Variants in CASZ1 observed in about 807,000 individuals in gnomAD.
The protein encoded by CASZ1 is castor zinc finger 1.
A neutral mutation model predicts 135.2 loss-of-function variants in CASZ1; 28 were observed. The observed-to-expected ratio is 0.21, with a 90% CI of 0.15 to 0.28. The LOEUF (loss-of-function observed/expected upper bound fraction) is 0.28, where lower values mean the gene tolerates loss of function less well. CASZ1 is among the 10% of genes least tolerant of loss of function. The pLI, the probability that CASZ1 is intolerant of heterozygous loss-of-function variation, is 1.00. For synonymous variants in CASZ1, 1,068 were observed against 1,073.4 expected, an observed-to-expected ratio of 0.99 and a Z score of 0.10; for missense variants, 2,161 against 2,453.3, an observed-to-expected ratio of 0.88 and a Z score of 2.52.
intron 2 of CASZ1, among the ~76,000 whole-genome samples, chr1:10,712,358 T>TAAATA (rs1382394280): frequency 2.0e-5 from 3 of 151,992 alleles, no homozygotes; most frequent in East Asian, 1.9e-4. Context: ...AATAAATACA[T>TAAATA]AAATAAAATA....
chr1:10,752,020 C>A (rs1177104287), intron 2 of CASZ1, among the ~76,000 whole-genome samples: 1 of 152,196 alleles, frequency 6.6e-6, no homozygotes, highest in Non-Finnish European at 1.5e-5. Flanking sequence ...CCACTCCAGA[C>A]TGGCCCTCCC....
At chr1:10,652,019 A>T (rs1282367520) in intron 11 of CASZ1, 3 of 152,218 alleles carry the variant, frequency 2.0e-5, no homozygotes, top group Non-Finnish European at 4.4e-5. Flanking sequence ...CTGGACCAGG[A>T]GGCGGTCCCT....
At chr1:10,678,495 G>A (rs900927963) in intron 4 of CASZ1, among the ~76,000 whole-genome samples, 15 of 126,366 alleles carry the variant, frequency 1.2e-4, no homozygotes, top group South Asian at 2.5e-4. Context: ...CACCGCCCCC[G>A]CGAGGGGGCC....
At chr1:10,690,374 C>A (rs1028148337) in intron 4 of CASZ1, among the ~76,000 whole-genome samples, 2 of 152,206 alleles carry the variant, frequency 1.3e-5, no homozygotes, top group African/African-American at 4.8e-5. Flanking sequence ...TTTGCTCTCT[C>A]AGCTTAGACA....
intron 2 of CASZ1, among the ~76,000 whole-genome samples, chr1:10,750,009 G>A (rs1640120207): frequency 6.6e-6 from 1 of 152,148 alleles, no homozygotes; most frequent in South Asian, 2.1e-4. Flanking sequence ...GTATATAACT[G>A]TGCCCTCTGG....
At position 10,707,322 on chromosome 1, in the gene CASZ1, G is replaced by A. The variant is rs4845952; in HGVS notation, c.-76-1778C>T. On this transcript the variant is annotated intron_variant, in intron 2 of 20. Transcript: ENST00000377022. The surrounding 1 kb of genome is among the most constrained non-coding windows in gnomAD (Gnocchi z 5.0). ...TAATTTTGTGTTAAACAGACTGACCGGAATGATAACGACTTGCAGCGCGGT... is the reference window on the plus strand; with the variant it reads ...TAATTTTGTGTTAAACAGACTGACCAGAATGATAACGACTTGCAGCGCGGT... Among the ~76,000 whole-genome samples the A allele has an allele frequency of 0.17, 25,911 of 152,122 alleles. 2,544 individuals are homozygous for A. Among genetic ancestry groups the A allele is most frequent in the East Asian group, 0.35 (1,799 of 5,160 alleles).
chr1:10,667,898 G>A (rs1643283885), intron 4 of CASZ1, among the ~76,000 whole-genome samples: 1 of 144,192 alleles, frequency 6.9e-6, no homozygotes. Flanking sequence ...CTCAGTCCCT[G>A]CCCGGGCCCC....
chr1:10,669,457 AT>A (rs976248895), intron 4 of CASZ1, among the ~76,000 whole-genome samples: 7 of 152,224 alleles, frequency 4.6e-5, no homozygotes, highest in Admixed American at 2.6e-4. Context: ...AAATATTCAA[AT>A]CAGCCGGCTT....
rs518789 is a variant in CASZ1 at position 10,727,481 on chromosome 1, C to T, written c.-76-21937G>A. On this transcript the variant is annotated intron_variant, in intron 2 of 20. Transcript: ENST00000377022. The surrounding 1 kb of genome is among the most constrained non-coding windows in gnomAD (Gnocchi z 5.3). Reference sequence around the variant, plus strand: ...CGGGCCCAGGGGATTCAGCACAGCCCAACAGTGCCCCAGTGCCCACCCTCT... The same window carrying T: ...CGGGCCCAGGGGATTCAGCACAGCCTAACAGTGCCCCAGTGCCCACCCTCT... Among the ~76,000 whole-genome samples, 63,895 of 151,818 alleles carry T rather than the reference C, an allele frequency of 0.42. 15,063 individuals carry two copies. The highest frequency in any genetic ancestry group is 0.54 in the Non-Finnish European group (36,942 of 67,880).
At chr1:10,758,819 G>A (rs1010610821) in intron 2 of CASZ1, among the ~76,000 whole-genome samples, 2 of 152,248 alleles carry the variant, frequency 1.3e-5, no homozygotes, top group African/African-American at 2.4e-5. Context: ...GAGGACCCCC[G>A]CCTGCAGTCC....
chr1:10,765,058 G>A (rs1640448596), intron 1 of CASZ1, among the ~76,000 whole-genome samples: 1 of 152,152 alleles, frequency 6.6e-6, no homozygotes, highest in Admixed American at 6.5e-5. Context: ...TTGGGGGCGT[G>A]GGGCAGGGAT....
intron 3 of CASZ1, among the ~76,000 whole-genome samples, chr1:10,702,014 C>T (rs1639072197): frequency 6.6e-6 from 1 of 152,210 alleles, no homozygotes; most frequent in African/African-American, 2.4e-5. Context: ...TTGCGGACAG[C>T]AGGTGGATCC....
At chr1:10,785,971 G>T (rs1640851890) in intron 1 of CASZ1, among the ~76,000 whole-genome samples, 1 of 152,240 alleles carries the variant, frequency 6.6e-6, no homozygotes, top group South Asian at 2.1e-4. Context: ...TTCGAGGAAT[G>T]AATCGTCCAA....
chr1:10,719,061 C>T lies in CASZ1; in HGVS notation c.-76-13517G>A, dbSNP rs564496171. On this transcript the variant is annotated intron_variant, in intron 2 of 20. Coordinates refer to ENST00000377022, the MANE Select transcript of CASZ1 (RefSeq NM_001079843.3). The surrounding 1 kb of genome is among the most constrained non-coding windows in gnomAD (Gnocchi z 4.0). ...CCGAGTAACTGGGATTACAGGCACT[C>T]GCCACCACACCTGGCTAATTTTTTT... is the stretch of plus-strand genomic sequence containing the variant. 5.9e-5 allele frequency among the ~76,000 whole-genome samples: 9 copies of T among 152,122 alleles called. No individual in the cohort carries two copies. The South Asian group carries it at 6.2e-4, about 11-fold the overall frequency.
In CASZ1 at chr1:10,783,328, CA is replaced by C. The variant is rs1460364054; in HGVS notation, c.-234+13235del. Among the ~76,000 whole-genome samples the C allele has an allele frequency of 3.3e-5, 5 of 150,024 alleles. No homozygotes were observed. The East Asian group carries it at 9.7e-4, about 29-fold the overall frequency. On this transcript the variant is annotated intron_variant, in intron 1 of 20. Coordinates refer to ENST00000377022, the MANE Select transcript of CASZ1 (RefSeq NM_001079843.3). ...GCAAGCGTATATGTTTTGGGAGAGA[CA>C]GGGGCTCTACCTCCCAAGAAGAAGG...
intron 2 of CASZ1, among the ~76,000 whole-genome samples, chr1:10,754,826 C>A (rs140170299): frequency 6.6e-6 from 1 of 152,324 alleles, no homozygotes; most frequent in South Asian, 2.1e-4. Flanking sequence ...TGAGTCACAA[C>A]GGCCCTAAAC....
chr1:10,649,597 C>A, intron 13 of CASZ1, 160 bp from the exon 14 acceptor site: 1 of 817,398 alleles, frequency 1.2e-6, no homozygotes, highest in East Asian at 2.7e-5. Flanking sequence ...TGTGGCTGGG[C>A]CCTCTCTGAA....
chr1:10,648,826 T>C, intron 15 of CASZ1: 1 of 530,036 alleles, frequency 1.9e-6, no homozygotes, highest in Non-Finnish European at 3.4e-6. Flanking sequence ...GGGACGTGGG[T>C]GCAGCAGCAG....
At chr1:10,761,196 C>A (rs1208534499) in intron 1 of CASZ1, among the ~76,000 whole-genome samples, 1 of 152,248 alleles carries the variant, frequency 6.6e-6, no homozygotes, top group African/African-American at 2.4e-5. Context: ...AGGCTGGGCA[C>A]CCAGGGTGAA....
Sources: allele counts gnomAD v4.1 joint callset (sites outside exome capture counted in the v4.1 genomes callset), GRCh38; gene constraint gnomAD v4.1.1; non-coding constraint Gnocchi (gnomAD v3.1); transcripts MANE v1.5; gene names NCBI Gene and HGNC (gene_info 2026-07-23, HGNC 2026-07-21).